The following STEAP2 variants were observed in gnomAD, a reference collection of about 807,000 sequenced individuals.
STEAP2 encodes metalloreductase STEAP2.
In STEAP2, 30 loss-of-function variants were observed where a neutral mutation model predicts 46.4. The ratio of observed to expected loss-of-function variants is 0.65; its 90% CI spans 0.48 to 0.88. The LOEUF is 0.88. Among genes scored for constraint, STEAP2 ranks in the 40% least tolerant of loss-of-function variants. The pLI is 0.00. For synonymous variants in STEAP2, 180 were observed against 200.5 expected, an observed-to-expected ratio of 0.90 and a Z score of 0.86; for missense variants, 513 against 579.3, an observed-to-expected ratio of 0.89 and a Z score of 1.18.
In STEAP2 at chr7:90,236,166, A is replaced by G. The variant is rs1795952328; in HGVS notation, c.*3542A>G. 1.4e-6 allele frequency: 1 copy of G among 710,154 alleles called. No individual in the cohort carries two copies. The highest frequency in any genetic ancestry group is 1.9e-5 in the African/African-American group (1 of 51,420). The allele number at this position is 710,154 out of a possible 1,614,324, so 44.0% of individuals were successfully genotyped here. Reference sequence around the variant, plus strand: ...TTACCACTTGCCATTAAGCTATTTCATAATAAATTCTGTACAGTTTCCCCC... The same window carrying G: ...TTACCACTTGCCATTAAGCTATTTCGTAATAAATTCTGTACAGTTTCCCCC... On this transcript the variant is annotated 3_prime_UTR_variant, in exon 6 of 6. Coordinates refer to ENST00000394621, the MANE Select transcript of STEAP2 (RefSeq NM_001244944.2).
intron 3 of STEAP2, among the ~76,000 whole-genome samples, 200 bp from the exon 4 acceptor site, chr7:90,226,771 G>A (rs1007410743): frequency 8.5e-5 from 13 of 152,208 alleles, no homozygotes; most frequent in Admixed American, 7.2e-4. Context: ...CTCCAGTAAT[G>A]AACTTGGTGC....
intron 5 of STEAP2, among the ~76,000 whole-genome samples, chr7:90,231,258 T>G (rs1795731528): frequency 6.6e-6 from 1 of 151,974 alleles, no homozygotes; most frequent in African/African-American, 2.4e-5. Flanking sequence ...TTGTTTATAT[T>G]AATACTGCAG....
chr7:90,239,342 C>A (rs1417114623), downstream of STEAP2, among the ~76,000 whole-genome samples: 1 of 152,192 alleles, frequency 6.6e-6, no homozygotes, highest in Admixed American at 6.5e-5. Context: ...CTGCCAACAC[C>A]TTAGTCTTCA....
chr7:90,221,200 G>C (rs1220537456), intron 2 of STEAP2, among the ~76,000 whole-genome samples: 1 of 152,142 alleles, frequency 6.6e-6, no homozygotes, highest in Non-Finnish European at 1.5e-5. Context: ...TTATCTGTCA[G>C]ATGCTGGCAG....
downstream of STEAP2, chr7:90,237,826 A>G (rs534146753): frequency 1.4e-4 from 46 of 320,186 alleles, no homozygotes; most frequent in African/African-American, 8.5e-4. Flanking sequence ...ATTTTATTAC[A>G]TTATTTCATT....
intron 1 of STEAP2, among the ~76,000 whole-genome samples, chr7:90,214,967 A>G (rs1383955630): frequency 6.6e-6 from 1 of 152,158 alleles, no homozygotes; most frequent in Non-Finnish European, 1.5e-5. Context: ...CATGATAGCT[A>G]TTAGGGTAGA....
downstream of STEAP2, among the ~76,000 whole-genome samples, chr7:90,240,137 G>C (rs1796044964): frequency 2.0e-5 from 3 of 152,060 alleles, no homozygotes; most frequent in Admixed American, 2.0e-4. This position sits in a 1 kb window ranked among gnomAD's most constrained non-coding sequence, Gnocchi z 4.1. Context: ...GCCAGACACG[G>C]TGGCACACAC....
In STEAP2 at chr7:90,233,500, C is replaced by G; in HGVS notation, c.*876C>G. On this transcript the variant is annotated 3_prime_UTR_variant, in exon 6 of 6. Transcript: ENST00000394621. ...CCTTTGTCGCACCTTAACCAGTCAC[C>G]ACTTGCTATGGTATAGGATTATACT... 1.0e-6 allele frequency: 1 copy of G among 985,382 alleles called. No homozygotes were observed. Among genetic ancestry groups the G allele is most frequent in the Non-Finnish European group, 1.2e-6 (1 of 829,918 alleles). 61.0% of individuals were successfully genotyped at this position (985,382 alleles called of 1,614,324 possible).
At chr7:90,241,435 A>G (rs1287201936), downstream of STEAP2, among the ~76,000 whole-genome samples, 1 of 152,246 alleles carries the variant, frequency 6.6e-6, no homozygotes, top group Non-Finnish European at 1.5e-5. Context: ...GCTTCAAATC[A>G]AAATAAAAAG....
chr7:90,226,273 C>G (rs1346670166), intron 3 of STEAP2, among the ~76,000 whole-genome samples: 1 of 152,092 alleles, frequency 6.6e-6, no homozygotes, highest in African/African-American at 2.4e-5. Flanking sequence ...AAATGAGCTA[C>G]AGAAATAGTC....
chr7:90,219,914 C>CGG (rs907489345), intron 2 of STEAP2, among the ~76,000 whole-genome samples: 1 of 151,998 alleles, frequency 6.6e-6, no homozygotes, highest in Non-Finnish European at 1.5e-5. Context: ...TTTGTAGAGA[C>CGG]GAGGGTCTCA....
At chr7:90,239,014 A>G (rs1159848009), downstream of STEAP2, among the ~76,000 whole-genome samples, 1 of 152,236 alleles carries the variant, frequency 6.6e-6, no homozygotes, top group South Asian at 2.1e-4. Context: ...TTGATTAAAC[A>G]TACTTTATTC....
At chr7:90,218,264 A>C (rs1175575588) in intron 2 of STEAP2, among the ~76,000 whole-genome samples, 3 of 152,054 alleles carry the variant, frequency 2.0e-5, no homozygotes. Flanking sequence ...GAAGTCTTTT[A>C]GTTTAATATA....
At chr7:90,221,963 G>A (rs1024531544) in intron 2 of STEAP2, among the ~76,000 whole-genome samples, 3 of 152,270 alleles carry the variant, frequency 2.0e-5, no homozygotes, top group Middle Eastern at 3.4e-3. Context: ...TAAAGATTTT[G>A]CAATTCTTAT....
downstream of STEAP2, chr7:90,237,996 T>A: frequency 1.4e-6 from 1 of 709,946 alleles, no homozygotes; most frequent in Non-Finnish European, 2.6e-6. Flanking sequence ...TTATAATAAA[T>A]AATTACCCAT....
chr7:90,213,147 C>T (rs1794887601), intron 1 of STEAP2, among the ~76,000 whole-genome samples: 2 of 152,142 alleles, frequency 1.3e-5, no homozygotes, highest in East Asian at 3.9e-4. Flanking sequence ...GATGGCTGCA[C>T]TCTCTGCCTC....
At chr7:90,226,837 T>A in intron 3 of STEAP2, 134 bp from the exon 4 acceptor site, 1 of 852,202 alleles carries the variant, frequency 1.2e-6, no homozygotes, top group Non-Finnish European at 1.8e-6. Context: ...TTAGATACTA[T>A]AATATAGCTG....
intron 2 of STEAP2, among the ~76,000 whole-genome samples, chr7:90,216,930 T>TCAGAAGC (rs1451214209): frequency 6.6e-6 from 1 of 152,206 alleles, no homozygotes; most frequent in Non-Finnish European, 1.5e-5. Context: ...AATACTGCTT[T>TCAGAAGC]AGTAGCTCAT....
Position 90,227,141 on chromosome 7 carries a change from C to A in STEAP2, c.663C>A (p.Ser221Arg). 6.2e-7 allele frequency: 1 copy of A among 1,613,688 alleles called. No individual in the cohort carries two copies. Reference protein sequence around the residue: ...LWRGPVVVAISLATFFFLYSF... With the variant: ...LWRGPVVVAIRLATFFFLYSF... ...GAGGGCCAGTGGTGGTAGCTATAAG[C>A]TTGGCCACATTTTTTTTCCTTTATT... Residue 221 changes from serine (S) to arginine (R), a missense_variant, in exon 4 of 6, where the codon AGC becomes AGA. Coordinates refer to ENST00000394621, the MANE Select transcript of STEAP2 (RefSeq NM_001244944.2).
Sources: gnomAD v4.1 joint callset for allele counts (sites outside exome capture counted in the v4.1 genomes callset) on GRCh38, gnomAD v4.1.1 for gene constraint, Gnocchi (gnomAD v3.1) non-coding constraint, MANE v1.5 for transcripts, NCBI Gene and HGNC (gene_info 2026-07-23, HGNC 2026-07-21) for gene names.